Variants in UBE2Q2 observed in about 807,000 individuals in gnomAD.
UBE2Q2 encodes the protein ubiquitin conjugating enzyme E2 Q2.
UBE2Q2 carries 54 observed loss-of-function variants against 59.9 expected under a neutral mutation model. That is an observed-to-expected ratio of 0.90 (90% CI 0.72 to 1.13). The LOEUF is 1.13. Ranked by LOEUF, UBE2Q2 falls within the 50% of genes most tolerant of loss-of-function variation. The pLI is 0.00. For synonymous variants in UBE2Q2, 165 were observed against 155.2 expected (o/e 1.06, Z -0.47); for missense variants, 433 against 441.9 (o/e 0.98, Z 0.18).
chr15:75,890,841 A>T, intron 10 of UBE2Q2, 78 bp from the exon 11 acceptor site: 1 of 1,210,884 alleles, frequency 8.3e-7, no homozygotes, highest in Non-Finnish European at 1.2e-6. Context: ...CTGTTGAGTT[A>T]TATACCATTT....
In UBE2Q2 at chr15:75,899,537, C is replaced by T. The variant is rs1899641744; in HGVS notation, c.*79C>T. 2 of 1,199,710 alleles carry T rather than the reference C, an allele frequency of 1.7e-6. No individual in the cohort carries two copies. Among genetic ancestry groups the T allele is most frequent in the Non-Finnish European group, 2.4e-6 (2 of 835,704 alleles). 74.3% of individuals were successfully genotyped at this position (1,199,710 alleles called of 1,614,324 possible). On this transcript the variant is annotated 3_prime_UTR_variant, in exon 13 of 13. Coordinates refer to ENST00000267938, the MANE Select transcript of UBE2Q2 (RefSeq NM_173469.4). Reference sequence around the variant, plus strand: ...AACATGCAGACAAAAGCTTTGAGTGCCCCTATTACAGCAGTACCGAAGATG... The same window carrying T: ...AACATGCAGACAAAAGCTTTGAGTGTCCCTATTACAGCAGTACCGAAGATG...
At chr15:75,874,551 TG>T (rs1897970236) in intron 5 of UBE2Q2, among the ~76,000 whole-genome samples, 1 of 152,320 alleles carries the variant, frequency 6.6e-6, no homozygotes, top group African/African-American at 2.4e-5. Flanking sequence ...CCCGAAGTGC[TG>T]GGATTACAGG....
chr15:75,859,738 T>C (rs1413218458), intron 2 of UBE2Q2, 140 bp from the exon 3 acceptor site: 3 of 555,526 alleles, frequency 5.4e-6, no homozygotes, highest in Non-Finnish European at 9.1e-6. Flanking sequence ...TTAAAGACTA[T>C]TTTTTAAATC....
intron 8 of UBE2Q2, among the ~76,000 whole-genome samples, chr15:75,882,111 AAG>A (rs1414739430): frequency 1.3e-5 from 2 of 152,200 alleles, no homozygotes; most frequent in Non-Finnish European, 2.9e-5. Context: ...TCAAATTACA[AAG>A]AGGTGATTTT....
chr15:75,844,128 C>T (rs1595844234), intron 1 of UBE2Q2: 2 of 1,414,536 alleles, frequency 1.4e-6, no homozygotes, highest in Admixed American at 3.0e-5. Context: ...AGGGGGGAGT[C>T]CGCGGCGGCC....
chr15:75,868,774 A>C (rs1416868294), intron 3 of UBE2Q2, among the ~76,000 whole-genome samples, 177 bp from the exon 4 acceptor site: 1 of 152,210 alleles, frequency 6.6e-6, no homozygotes, highest in Non-Finnish European at 1.5e-5. Flanking sequence ...TTAAAAGCTG[A>C]TAACTTATTT....
intron 2 of UBE2Q2, among the ~76,000 whole-genome samples, chr15:75,855,000 A>T (rs1342250636): frequency 6.6e-6 from 1 of 152,234 alleles, no homozygotes; most frequent in Non-Finnish European, 1.5e-5. Context: ...AGCAAGCATT[A>T]TTGAGAAAAT....
chr15:75,869,095 C>A, intron 4 of UBE2Q2, 85 bp downstream of exon 4: 1 of 1,120,724 alleles, frequency 8.9e-7, no homozygotes, highest in Non-Finnish European at 1.3e-6. Context: ...TTATAGACTA[C>A]TATTAATGTG....
chr15:75,865,506 C>G (rs989907489), intron 3 of UBE2Q2, among the ~76,000 whole-genome samples: 1 of 152,130 alleles, frequency 6.6e-6, no homozygotes, highest in Middle Eastern at 3.2e-3. Flanking sequence ...CATGGTACCC[C>G]TGTGCCAGCA....
chr15:75,844,119 G>T (rs930870169), intron 1 of UBE2Q2: 1 of 1,413,070 alleles, frequency 7.1e-7, no homozygotes, highest in Non-Finnish European at 9.2e-7. Flanking sequence ...CTAGCCCCGA[G>T]GGGGGAGTCC....
Position 75,883,405 on chromosome 15 carries a change from T to A in UBE2Q2, c.865T>A (p.Leu289Ile). 6.2e-7 allele frequency: 1 copy of A among 1,612,980 alleles called. No individual in the cohort carries two copies. Among genetic ancestry groups the A allele is most frequent in the Non-Finnish European group, 8.5e-7 (1 of 1,179,532 alleles). The change falls in exon 9 of 13, where the codon TTA becomes ATA. Residue 289 changes from leucine (L) to isoleucine (I), a missense_variant. Transcript: ENST00000267938. ...TGATCCTCCATTTGTTCGAGTGGTG[T>A]TACCTGTTCTCTCAGGAGGGTAAGT... ...PFDPPFVRVV[L>I]PVLSGGYVLG...
chr15:75,887,194 G>T (rs557644579), intron 9 of UBE2Q2, among the ~76,000 whole-genome samples: 1 of 152,138 alleles, frequency 6.6e-6, no homozygotes, highest in South Asian at 2.1e-4. Context: ...TATATAAGAG[G>T]GGATTAAAAG....
intron 12 of UBE2Q2, among the ~76,000 whole-genome samples, chr15:75,897,868 T>C (rs1314920955): frequency 6.6e-6 from 1 of 152,148 alleles, no homozygotes; most frequent in African/African-American, 2.4e-5. Context: ...ATGTGTCAGT[T>C]TGTGACTTAA....
chr15:75,870,504 G>T (rs555363563), intron 4 of UBE2Q2, among the ~76,000 whole-genome samples: 12 of 152,116 alleles, frequency 7.9e-5, no homozygotes, highest in African/African-American at 2.9e-4. Flanking sequence ...TTTTTTGTGC[G>T]CCCAGTTTAC....
At chr15:75,896,700 G>A (rs1899441920) in intron 11 of UBE2Q2, among the ~76,000 whole-genome samples, 2 of 152,224 alleles carry the variant, frequency 1.3e-5, no homozygotes, top group Middle Eastern at 3.4e-3. Flanking sequence ...CAGCAATATG[G>A]AGACGGACTC....
chr15:75,897,307 C>T (rs988113884), intron 12 of UBE2Q2, among the ~76,000 whole-genome samples: 4 of 152,118 alleles, frequency 2.6e-5, no homozygotes, highest in African/African-American at 9.6e-5. Flanking sequence ...GGCACTATCT[C>T]AGCTCACTGC....
chr15:75,896,616 T>C (rs1899437535), intron 11 of UBE2Q2, among the ~76,000 whole-genome samples: 1 of 152,232 alleles, frequency 6.6e-6, no homozygotes, highest in Non-Finnish European at 1.5e-5. Context: ...ATTTTGTAGT[T>C]TTTTTAAAAA....
At chr15:75,897,440 C>A (rs1156860425) in intron 12 of UBE2Q2, among the ~76,000 whole-genome samples, 1 of 151,758 alleles carries the variant, frequency 6.6e-6, no homozygotes, top group Non-Finnish European at 1.5e-5. Flanking sequence ...AGGATGGTCT[C>A]GATCTCCTGA....
Position 75,858,487 on chromosome 15 carries a change from G to A in UBE2Q2, c.283-1391G>A, listed in dbSNP as rs148412433. On this transcript the variant is annotated intron_variant, in intron 2 of 12. Transcript: ENST00000267938. Reference sequence around the variant, plus strand: ...TACTGTTCTCTGACCCCCGCCCCCCGCAAACTAGTAATTTTCTAAGACCTG... The same window carrying A: ...TACTGTTCTCTGACCCCCGCCCCCCACAAACTAGTAATTTTCTAAGACCTG... Among the ~76,000 whole-genome samples the A allele has an allele frequency of 2.7e-3, 414 of 151,508 alleles. 4 individuals are homozygous for A. The South Asian group carries it at 0.028, about 10-fold the overall frequency.
Sources: allele counts gnomAD v4.1 joint callset (sites outside exome capture counted in the v4.1 genomes callset), GRCh38; gene constraint gnomAD v4.1.1; transcripts MANE v1.5; gene names NCBI Gene and HGNC (gene_info 2026-07-23, HGNC 2026-07-21).